ZNF385D: variants seen among roughly 807,000 people sequenced by gnomAD.
The protein encoded by ZNF385D is zinc finger protein 385D, also known as zinc finger protein 659.
Under a neutral mutation model 35.8 loss-of-function variants are expected in ZNF385D, and 15 were observed. The ratio of observed to expected loss-of-function variants is 0.42; its 90% CI spans 0.28 to 0.64. The LOEUF (loss-of-function observed/expected upper bound fraction) is 0.64, where lower values mean the gene tolerates loss of function less well. Ranked by LOEUF, ZNF385D falls within the 30% of genes least tolerant of loss-of-function variation. The pLI is 0.23. For synonymous variants in ZNF385D, 212 were observed against 186.8 expected, an observed-to-expected ratio of 1.13 and a Z score of -1.10; for missense variants, 474 against 494.6, an observed-to-expected ratio of 0.96 and a Z score of 0.39.
intron 3 of ZNF385D, among the ~76,000 whole-genome samples, chr3:21,945,877 T>C (rs1055071154): frequency 6.6e-6 from 1 of 152,218 alleles, no homozygotes; most frequent in Admixed American, 6.5e-5. Context: ...TCATTTCCTC[T>C]TTGAGGAATT....
chr3:21,450,601 C>G (rs1702400683), intron 4 of ZNF385D, among the ~76,000 whole-genome samples: 1 of 152,092 alleles, frequency 6.6e-6, no homozygotes, highest in Admixed American at 6.6e-5. Context: ...AGAAGCTCAT[C>G]AAGACAACCC....
chr3:21,517,949 T>C (rs1165765194), intron 3 of ZNF385D, among the ~76,000 whole-genome samples: 2 of 152,040 alleles, frequency 1.3e-5, no homozygotes, highest in Admixed American at 6.6e-5. Flanking sequence ...CTGTTAGAAA[T>C]AGAAATTCTC....
chr3:21,874,821 G>A (rs1166769187), intron 3 of ZNF385D, among the ~76,000 whole-genome samples: 1 of 152,052 alleles, frequency 6.6e-6, no homozygotes, highest in Non-Finnish European at 1.5e-5. Flanking sequence ...GCTTTGGGAA[G>A]TGTGGACATT....
At chr3:21,480,554 C>A (rs533891668) in intron 4 of ZNF385D, among the ~76,000 whole-genome samples, 1 of 152,140 alleles carries the variant, frequency 6.6e-6, no homozygotes, top group South Asian at 2.1e-4. Context: ...TTCCCCTGTC[C>A]CCATCACATA....
intron 2 of ZNF385D, among the ~76,000 whole-genome samples, chr3:22,197,967 T>C (rs754455827): frequency 1.3e-5 from 2 of 152,106 alleles, no homozygotes; most frequent in Non-Finnish European, 2.9e-5. Context: ...ATACAACCAC[T>C]TTGTCATAGT....
rs563276911 is a variant in ZNF385D at position 22,198,145 on chromosome 3, G to A, written c.107-29110C>T. Among the ~76,000 whole-genome samples the A allele has an allele frequency of 7.2e-5, 11 of 152,062 alleles. No homozygotes were observed. The South Asian group carries it at 1.0e-3, about 14-fold the overall frequency. On this transcript the variant is annotated intron_variant, in intron 2 of 5. Coordinates refer to the ZNF385D transcript ENST00000494108. ...ACAGAAACTGTGTATACAGTAATGC[G>A]GTTATGAGAATATTTAAGACAAGAG...
chr3:22,263,063 G>T (rs1376401607), intron 2 of ZNF385D, among the ~76,000 whole-genome samples: 1 of 151,938 alleles, frequency 6.6e-6, no homozygotes, highest in Admixed American at 6.6e-5. Flanking sequence ...CCCAGTTCCA[G>T]TTACCTTCAT....
At chr3:22,336,950 G>A (rs1322382049) in intron 2 of ZNF385D, among the ~76,000 whole-genome samples, 2 of 90,890 alleles carry the variant, frequency 2.2e-5, no homozygotes, top group Non-Finnish European at 4.2e-5. Flanking sequence ...CTTACTGTTA[G>A]TGAGGAGAGA....
chr3:22,219,039 C>T (rs1698077013), intron 2 of ZNF385D, among the ~76,000 whole-genome samples: 1 of 152,072 alleles, frequency 6.6e-6, no homozygotes, highest in Non-Finnish European at 1.5e-5. Context: ...TGACCATTCT[C>T]AAAGCTTAAA....
At chr3:21,620,747 G>T (rs572505520) in intron 2 of ZNF385D, among the ~76,000 whole-genome samples, 9 of 152,222 alleles carry the variant, frequency 5.9e-5, no homozygotes, top group Non-Finnish European at 8.8e-5. Context: ...TTGTGATACG[G>T]TGATTGCCAG....
At chr3:21,867,764 C>T (rs1025552474) in intron 3 of ZNF385D, among the ~76,000 whole-genome samples, 1 of 151,358 alleles carries the variant, frequency 6.6e-6, no homozygotes, top group Non-Finnish European at 1.5e-5. Context: ...AAACCTCAAC[C>T]AGTCTTTTTA....
intron 2 of ZNF385D, among the ~76,000 whole-genome samples, chr3:21,620,551 A>G (rs1388746136): frequency 6.6e-6 from 1 of 152,118 alleles, no homozygotes; most frequent in Non-Finnish European, 1.5e-5. Context: ...ATGCCAGGGC[A>G]TTTTTCCTTT....
chr3:21,639,394 T>C (rs1331510731), intron 2 of ZNF385D, among the ~76,000 whole-genome samples: 1 of 152,096 alleles, frequency 6.6e-6, no homozygotes, highest in African/African-American at 2.4e-5. Context: ...GTTGAATGAA[T>C]TGACAAATAC....
At chr3:21,756,978 TA>T (rs2070366777) in intron 3 of ZNF385D, among the ~76,000 whole-genome samples, 1 of 152,136 alleles carries the variant, frequency 6.6e-6, no homozygotes, top group East Asian at 1.9e-4. Flanking sequence ...CCATACAAAT[TA>T]AATGCCTGGG....
chr3:22,032,441 G>T (rs1162203439), intron 3 of ZNF385D, among the ~76,000 whole-genome samples: 1 of 152,146 alleles, frequency 6.6e-6, no homozygotes, highest in Admixed American at 6.5e-5. Flanking sequence ...ACTATCACTA[G>T]AACAGCATGG....
chr3:22,318,063 GAA>G, intron 2 of ZNF385D, among the ~76,000 whole-genome samples: 1 of 136,056 alleles, frequency 7.3e-6, no homozygotes. Flanking sequence ...GTTTCAAAAA[GAA>G]AAAAAAAAAA....
intron 3 of ZNF385D, among the ~76,000 whole-genome samples, chr3:21,806,152 C>G (rs74529189): frequency 6.6e-6 from 1 of 151,894 alleles, no homozygotes; most frequent in East Asian, 1.9e-4. Context: ...TTCCTTTCTC[C>G]CCCTCTCTTT....
upstream of ZNF385D, chr3:21,751,302 A>G: frequency 9.4e-7 from 1 of 1,067,082 alleles, no homozygotes; most frequent in Non-Finnish European, 1.1e-6. Context: ...TGCCTGGACC[A>G]ACCATGGCTC....
chr3:22,272,322 T>C (rs1049900754), intron 2 of ZNF385D, among the ~76,000 whole-genome samples: 3 of 152,028 alleles, frequency 2.0e-5, no homozygotes, highest in Non-Finnish European at 4.4e-5. Flanking sequence ...CGTTGAGATA[T>C]TGGAGATATA....
Sources: allele counts gnomAD v4.1 joint callset (sites outside exome capture counted in the v4.1 genomes callset), GRCh38; gene constraint gnomAD v4.1.1; transcripts MANE v1.5; gene names NCBI Gene and HGNC (gene_info 2026-07-23, HGNC 2026-07-21).